FRMD5: variants seen among roughly 807,000 people sequenced by gnomAD.
FRMD5 encodes FERM domain containing 5.
A neutral mutation model predicts 69.0 loss-of-function variants in FRMD5; 20 were observed. The ratio of observed to expected loss-of-function variants is 0.29; its 90% CI spans 0.20 to 0.42. The LOEUF (loss-of-function observed/expected upper bound fraction) is 0.42. Ranked by LOEUF, FRMD5 falls within the 10% of genes least tolerant of loss-of-function variation. FRMD5 has a pLI of 1.00. For synonymous variants in FRMD5, 271 were observed against 260.1 expected, an observed-to-expected ratio of 1.04 and a Z score of -0.40; for missense variants, 595 against 708.6, an observed-to-expected ratio of 0.84 and a Z score of 1.82.
intron 1 of FRMD5, among the ~76,000 whole-genome samples, chr15:44,105,567 T>C (rs1566948513): frequency 6.6e-6 from 1 of 152,212 alleles, no homozygotes; most frequent in South Asian, 2.1e-4. Context: ...TAGATTTAAA[T>C]GGTGGCAATA....
chr15:43,998,632 C>T (rs997978928), intron 1 of FRMD5, among the ~76,000 whole-genome samples: 2 of 152,196 alleles, frequency 1.3e-5, no homozygotes, highest in Non-Finnish European at 2.9e-5. Context: ...TTCAAACTGG[C>T]AGACACTAAG....
At chr15:44,140,812 G>A (rs1387432511) in intron 1 of FRMD5, among the ~76,000 whole-genome samples, 3 of 136,982 alleles carry the variant, frequency 2.2e-5, no homozygotes, top group South Asian at 4.7e-4. Flanking sequence ...GGGCCCAGGA[G>A]ATCGAGGCTG....
At chr15:43,946,671 C>G (rs16949992) in intron 1 of FRMD5, among the ~76,000 whole-genome samples, 19,743 of 152,034 alleles carry the variant, frequency 0.13, 2,645 homozygotes, top group African/African-American at 0.34. Flanking sequence ...GGATCTGGGT[C>G]GTTGAGGGAA....
chr15:44,040,485 G>C (rs1356872972), intron 1 of FRMD5, among the ~76,000 whole-genome samples: 1 of 152,160 alleles, frequency 6.6e-6, no homozygotes, highest in Non-Finnish European at 1.5e-5. Context: ...AACCCTACAA[G>C]TCAGAAGACA....
chr15:44,056,831 C>G (rs1165814793), intron 1 of FRMD5, among the ~76,000 whole-genome samples: 1 of 152,150 alleles, frequency 6.6e-6, no homozygotes. Flanking sequence ...CAGTTTCCCT[C>G]CACACCATTG....
intron 1 of FRMD5, among the ~76,000 whole-genome samples, chr15:44,047,511 A>T (rs113231522): frequency 0.042 from 6,437 of 152,278 alleles, 208 homozygotes; most frequent in Non-Finnish European, 0.064. Flanking sequence ...TACCATAAAG[A>T]TCAATAAATT....
chr15:43,921,542 G>A (rs2089493391), intron 2 of FRMD5, among the ~76,000 whole-genome samples: 1 of 152,224 alleles, frequency 6.6e-6, no homozygotes, highest in South Asian at 2.1e-4. Context: ...GGGATTTGGA[G>A]TCTGGCAGAG....
At chr15:44,089,789 G>A (rs911825893) in intron 1 of FRMD5, among the ~76,000 whole-genome samples, 32 of 152,122 alleles carry the variant, frequency 2.1e-4, no homozygotes, top group Non-Finnish European at 3.7e-4. Flanking sequence ...AAGGAACTGG[G>A]ACATAAAAAA....
At chr15:44,129,156 A>G (rs1191279637) in intron 1 of FRMD5, among the ~76,000 whole-genome samples, 1 of 152,232 alleles carries the variant, frequency 6.6e-6, no homozygotes, top group Non-Finnish European at 1.5e-5. Flanking sequence ...AAACATGTAC[A>G]GAAAGCTCTT....
chr15:44,094,045 A>G (rs2076515192), intron 1 of FRMD5, among the ~76,000 whole-genome samples: 1 of 152,162 alleles, frequency 6.6e-6, no homozygotes, highest in South Asian at 2.1e-4. Context: ...CCAGAAACAT[A>G]TGGACTCTGG....
At chr15:43,978,302 T>A (rs1197885612) in intron 1 of FRMD5, among the ~76,000 whole-genome samples, 1 of 152,150 alleles carries the variant, frequency 6.6e-6, no homozygotes, top group Non-Finnish European at 1.5e-5. Context: ...ATACAGCTAC[T>A]GGAATGGCTA....
intron 1 of FRMD5, chr15:43,988,968 T>TA (rs1014178655): frequency 4.5e-5 from 29 of 645,696 alleles, no homozygotes; most frequent in Admixed American, 7.8e-5. Context: ...CAAAACAAAA[T>TA]AAAAAAAACA....
intron 1 of FRMD5, among the ~76,000 whole-genome samples, chr15:44,020,975 T>A (rs1220936183): frequency 6.6e-6 from 1 of 152,234 alleles, no homozygotes. Flanking sequence ...AATGATTAGC[T>A]TTGTGTATTT....
At chr15:44,005,471 CAAAAAAAAAAAAAAA>C (rs55839205) in intron 1 of FRMD5, among the ~76,000 whole-genome samples, 1 of 69,456 alleles carries the variant, frequency 1.4e-5, no homozygotes, top group Non-Finnish European at 2.8e-5. Flanking sequence ...AACTCCATCT[CAAAAAAAAAAAAAAA>C]AAAAAAAGAA....
At chr15:43,931,443 C>T (rs2089674043) in intron 1 of FRMD5, among the ~76,000 whole-genome samples, 1 of 152,210 alleles carries the variant, frequency 6.6e-6, no homozygotes. Flanking sequence ...CCAACACACA[C>T]ACACATTCTC....
chr15:44,136,748 T>C (rs941075035), intron 1 of FRMD5, among the ~76,000 whole-genome samples: 3 of 152,156 alleles, frequency 2.0e-5, no homozygotes, highest in African/African-American at 4.8e-5. Context: ...AATGTTATGG[T>C]TGAGACAACC....
Position 44,017,294 on chromosome 15 carries a change from C to T in FRMD5, c.103-92985G>A, listed in dbSNP as rs180724115. 1.9e-3 allele frequency among the ~76,000 whole-genome samples: 288 copies of T among 151,386 alleles called. 2 individuals carry two copies. Among genetic ancestry groups the T allele is most frequent in the African/African-American group, 6.5e-3 (268 of 41,260 alleles). ...TGGAGGTTGTAGTGAGCCAAGATAGCGCCACTGCAGTCTGGCCTGGGTGAA... is the reference window on the plus strand; with the variant it reads ...TGGAGGTTGTAGTGAGCCAAGATAGTGCCACTGCAGTCTGGCCTGGGTGAA... On this transcript the variant is annotated intron_variant, in intron 1 of 13. Coordinates refer to ENST00000417257, the MANE Select transcript of FRMD5 (RefSeq NM_032892.5).
chr15:43,990,255 A>G lies in FRMD5; in HGVS notation c.103-65946T>C, dbSNP rs191088040. 120 of 372,812 alleles carry G rather than the reference A, an allele frequency of 3.2e-4. 3 individuals are homozygous for G. In the East Asian group the frequency reaches 5.3e-3, roughly 17 times the overall value. The allele number at this position is 372,812 out of a possible 1,614,324, so 23.1% of individuals were successfully genotyped here. ...AAGGCTCTGTGCTCGCAGGGTGGACACGGTCTCAGCAGAAACATAAGTTTT... is the reference window on the plus strand; with the variant it reads ...AAGGCTCTGTGCTCGCAGGGTGGACGCGGTCTCAGCAGAAACATAAGTTTT... On this transcript the variant is annotated intron_variant, in intron 1 of 13. Transcript: ENST00000417257.
chr15:43,874,359 A>G lies in FRMD5; in HGVS notation c.1239T>C (p.Asn413=). The part of the protein sequence containing the change: ...PHVRSSRTDS[N]ERVAVIADEA... ...CGTCTGCAATCACAGCTACTCGCTC[A>G]TTGCTATCTGTCCGGCTGCTTCTCA... is the stretch of plus-strand genomic sequence containing the variant. The change falls in exon 14 of 14, where the codon AAT becomes AAC. Residue 413 remains asparagine, a synonymous_variant. Coordinates refer to ENST00000417257, the MANE Select transcript of FRMD5 (RefSeq NM_032892.5). 1.2e-6 allele frequency: 2 copies of G among 1,614,174 alleles called. No homozygotes were observed. Among genetic ancestry groups the G allele is most frequent in the Non-Finnish European group, 1.7e-6 (2 of 1,180,040 alleles).
Sources: gnomAD v4.1 joint callset for allele counts (sites outside exome capture counted in the v4.1 genomes callset) on GRCh38, gnomAD v4.1.1 for gene constraint, MANE v1.5 for transcripts, NCBI Gene and HGNC (gene_info 2026-07-23, HGNC 2026-07-21) for gene names.